Variants in CLEC17A observed in about 807,000 individuals in gnomAD.
CLEC17A encodes the protein C-type lectin domain family 17, member A.
Under a neutral mutation model 61.3 loss-of-function variants are expected in CLEC17A, and 37 were observed. The observed-to-expected ratio is 0.60, with a 90% confidence interval of 0.46 to 0.79. CLEC17A has a LOEUF of 0.79. Among genes scored for constraint, CLEC17A ranks in the 30% least tolerant of loss-of-function variants. The pLI, the probability that CLEC17A is intolerant of heterozygous loss-of-function variation, is 0.00. For synonymous variants in CLEC17A, 168 were observed against 164.9 expected, an observed-to-expected ratio of 1.02 and a Z score of -0.14; for missense variants, 418 against 464.7, an observed-to-expected ratio of 0.90 and a Z score of 0.92.
intron 12 of CLEC17A, among the ~76,000 whole-genome samples, chr19:14,605,237 A>G (rs1261622967): frequency 2.0e-5 from 3 of 152,006 alleles, no homozygotes; most frequent in Non-Finnish European, 4.4e-5. Flanking sequence ...AGCTGGGAAT[A>G]CAGGCATGAC....
At chr19:14,585,059 C>G (rs1049995994) in intron 2 of CLEC17A, among the ~76,000 whole-genome samples, 3 of 152,178 alleles carry the variant, frequency 2.0e-5, no homozygotes, top group Non-Finnish European at 4.4e-5. Context: ...TTTTAAAATC[C>G]CCTCCATCCC....
rs372405483 is a variant in CLEC17A, at chr19:14,595,320, G to C, written c.445+5G>C. 8.1e-6 allele frequency: 13 copies of C among 1,613,778 alleles called. No individual in the cohort carries two copies. In the African/African-American group the frequency reaches 1.7e-4, roughly 22 times the overall value. On this transcript the variant is annotated splice_donor_5th_base_variant and intron_variant, in intron 8 of 13. Coordinates refer to ENST00000417570, the MANE Select transcript of CLEC17A (RefSeq NM_001204118.2). Reference sequence around the variant, plus strand: ...CATTGCAGCCATCCCTGGCCGGTAAGTGTCCTCCCATTTCCCCTCTGACAG... The same window carrying C: ...CATTGCAGCCATCCCTGGCCGGTAACTGTCCTCCCATTTCCCCTCTGACAG...
chr19:14,609,666 C>T (rs150865833), intron 13 of CLEC17A, among the ~76,000 whole-genome samples: 3,126 of 151,636 alleles, frequency 0.021, 55 homozygotes, highest in African/African-American at 0.047. Flanking sequence ...GGTGAAACCC[C>T]GTCTCTACTA....
At chr19:14,609,410 A>G (rs751512762) in intron 13 of CLEC17A, among the ~76,000 whole-genome samples, 19 of 151,970 alleles carry the variant, frequency 1.3e-4, no homozygotes, top group Non-Finnish European at 2.6e-4. Context: ...TAAATCCTAC[A>G]CACTCGAGTC....
intron 12 of CLEC17A, among the ~76,000 whole-genome samples, chr19:14,600,563 G>A (rs34711726): frequency 0.18 from 27,215 of 151,838 alleles, 3,820 homozygotes; most frequent in African/African-American, 0.39. Flanking sequence ...TATGCCAGTC[G>A]GAAGAGTTTA....
intron 13 of CLEC17A, among the ~76,000 whole-genome samples, chr19:14,608,628 ATTTTTTT>A (rs71166765): frequency 3.1e-4 from 37 of 119,726 alleles, no homozygotes; most frequent in South Asian, 1.1e-3. Flanking sequence ...ATGAGGAAGA[ATTTTTTT>A]TTTTTTTTTT....
At chr19:14,585,659 C>G (rs2146663499) in intron 2 of CLEC17A, among the ~76,000 whole-genome samples, 1 of 147,324 alleles carries the variant, frequency 6.8e-6, no homozygotes, top group East Asian at 2.0e-4. Flanking sequence ...GGAACTGAGG[C>G]CTCCCACCAA....
intron 3 of CLEC17A, among the ~76,000 whole-genome samples, chr19:14,589,033 C>G (rs905124465): frequency 6.6e-6 from 1 of 151,378 alleles, no homozygotes; most frequent in Non-Finnish European, 1.5e-5. Context: ...CACGTCTGCT[C>G]CAAAAGCACA....
At chr19:14,589,277 T>G (rs2074360379) in intron 3 of CLEC17A, among the ~76,000 whole-genome samples, 1 of 130,690 alleles carries the variant, frequency 7.7e-6, no homozygotes, top group Non-Finnish European at 1.5e-5. Context: ...CACCTCATCT[T>G]CATCCCCATC....
intron 8 of CLEC17A, among the ~76,000 whole-genome samples, chr19:14,596,178 G>T (rs2074547643): frequency 6.6e-6 from 1 of 151,966 alleles, no homozygotes; most frequent in Non-Finnish European, 1.5e-5. Context: ...GAGCAACTTG[G>T]TCAGGGGTTT....
rs559863931 is a variant in CLEC17A, at chr19:14,595,656, T to A, written c.445+341T>A. ...TGGAAAGGAAGAGGATGGTTGGTGGTAGTAACGATGGTAGAGGTAGTGATG... is the reference window on the plus strand; with the variant it reads ...TGGAAAGGAAGAGGATGGTTGGTGGAAGTAACGATGGTAGAGGTAGTGATG... On this transcript the variant is annotated intron_variant, in intron 8 of 13. Transcript: ENST00000417570. 2.6e-4 allele frequency among the ~76,000 whole-genome samples: 37 copies of A among 143,666 alleles called. No homozygotes were observed. The South Asian group carries it at 8.3e-3, about 32-fold the overall frequency. 94.3% of individuals were successfully genotyped at this position (143,666 alleles called of 152,430 possible). A position where few individuals can be genotyped will look rare whatever the true frequency, so the allele number is the denominator to read the frequency against.
chr19:14,582,669 G>A (rs1023499541), upstream of CLEC17A, among the ~76,000 whole-genome samples: 3 of 151,918 alleles, frequency 2.0e-5, no homozygotes, highest in Non-Finnish European at 2.9e-5. Flanking sequence ...GTGCAGTGGC[G>A]TGATCTCGGC....
chr19:14,603,741 C>T (rs1418573288), intron 12 of CLEC17A, among the ~76,000 whole-genome samples: 2 of 152,230 alleles, frequency 1.3e-5, no homozygotes, highest in South Asian at 2.1e-4. Context: ...GCCGGGATTA[C>T]AGGAGTGAGC....
At chr19:14,597,259 G>A in intron 10 of CLEC17A, 98 bp downstream of exon 10, 2 of 1,112,048 alleles carry the variant, frequency 1.8e-6, no homozygotes, top group East Asian at 2.6e-5. Context: ...CATCTTTGCT[G>A]GGCACTGTGC....
At chr19:14,586,887 C>CTTTT (rs200760633) in intron 2 of CLEC17A, among the ~76,000 whole-genome samples, 4 of 139,232 alleles carry the variant, frequency 2.9e-5, no homozygotes, top group Non-Finnish European at 4.5e-5. Flanking sequence ...TTCTTTCTTT[C>CTTTT]TTTCTTTTTT....
chr19:14,607,608 C>G (rs1489681954), intron 13 of CLEC17A, among the ~76,000 whole-genome samples: 4 of 151,230 alleles, frequency 2.6e-5, no homozygotes, highest in Non-Finnish European at 5.9e-5. Context: ...GACGGAGTCT[C>G]GCTGTCGCTC....
intron 2 of CLEC17A, 121 bp from the exon 3 acceptor site, chr19:14,587,493 A>G: frequency 1.5e-6 from 2 of 1,330,168 alleles, no homozygotes; most frequent in Non-Finnish European, 2.0e-6. Flanking sequence ...GCTGGGGCCC[A>G]GGTGTGGTCA....
In CLEC17A at chr19:14,608,008, C is replaced by T. The variant is rs549584690; in HGVS notation, c.1004+906C>T. On this transcript the variant is annotated intron_variant, in intron 13 of 13. Coordinates refer to ENST00000417570, the MANE Select transcript of CLEC17A (RefSeq NM_001204118.2). Reference sequence around the variant, plus strand: ...GCCTCAGCCTCCCGAGTACCTGGGACCACAGTCACACACCACCATGCCTGG... The same window carrying T: ...GCCTCAGCCTCCCGAGTACCTGGGATCACAGTCACACACCACCATGCCTGG... Among the ~76,000 whole-genome samples the T allele has an allele frequency of 1.1e-3, 160 of 151,968 alleles. 1 individual carries two copies. Among genetic ancestry groups the T allele is most frequent in the Non-Finnish European group, 1.8e-3 (123 of 67,992 alleles).
chr19:14,581,352 C>T (rs892730179), upstream of CLEC17A, among the ~76,000 whole-genome samples: 4 of 152,120 alleles, frequency 2.6e-5, no homozygotes, highest in East Asian at 7.7e-4. Context: ...GAGATAGAGT[C>T]CTGCTCTTTT....
Sources: gnomAD v4.1 joint callset for allele counts (sites outside exome capture counted in the v4.1 genomes callset) on GRCh38, gnomAD v4.1.1 for gene constraint, MANE v1.5 for transcripts, NCBI Gene and HGNC (gene_info 2026-07-23, HGNC 2026-07-21) for gene names.